Variants in XKR9 observed in about 807,000 individuals in gnomAD.
XKR9 encodes XK related 9.
XKR9 carries 32 observed loss-of-function variants against 32.0 expected under a neutral mutation model. The observed-to-expected ratio is 1.00, with a 90% CI of 0.76 to 1.34. The LOEUF (loss-of-function observed/expected upper bound fraction) is 1.34, where lower values mean the gene tolerates loss of function less well. XKR9 is among the 40% of genes most tolerant of loss of function. The pLI, the probability that XKR9 is intolerant of heterozygous loss-of-function variation, is 0.00. For missense variants in XKR9, 546 were observed against 429.7 expected, an observed-to-expected ratio of 1.27 and a Z score of -2.39; for synonymous variants, 168 against 143.4, an observed-to-expected ratio of 1.17 and a Z score of -1.22.
intron 3 of XKR9, among the ~76,000 whole-genome samples, chr8:70,698,194 C>G (rs57591849): frequency 0.018 from 2,791 of 151,858 alleles, 41 homozygotes; most frequent in African/African-American, 0.064. Context: ...TTCAGTTCTG[C>G]TCTGATTTTA....
At position 70,767,355 on chromosome 8, in the gene XKR9, C is replaced by T. The variant is rs140064684; in HGVS notation, n.353-21984C>T. Among the ~76,000 whole-genome samples the T allele has an allele frequency of 4.1e-3, 630 of 152,140 alleles. 33 individuals are homozygous for T. The East Asian group carries it at 0.098, about 24-fold the overall frequency. ...GGGTGTATCTGTCTAGGAATTTATCCATTTCTTCTAGATTTTGTAATTTAT... is the reference window on the plus strand; with the variant it reads ...GGGTGTATCTGTCTAGGAATTTATCTATTTCTTCTAGATTTTGTAATTTAT... On this transcript the variant is annotated intron_variant and non_coding_transcript_variant, in intron 2 of 3. Transcript: ENST00000520273.
the XKR9 span, among the ~76,000 whole-genome samples, chr8:70,952,547 C>A: frequency 6.6e-6 from 1 of 152,138 alleles, no homozygotes; most frequent in African/African-American, 2.4e-5. Flanking sequence ...TACTTTAGTG[C>A]ATCTCTGTGC....
At chr8:71,044,631 A>G in the XKR9 span, among the ~76,000 whole-genome samples, 4 of 152,260 alleles carry the variant, frequency 2.6e-5, no homozygotes, top group African/African-American at 9.6e-5. Context: ...AACAATTTGT[A>G]TTAAACTTTA....
At chr8:71,004,083 G>A in the XKR9 span, among the ~76,000 whole-genome samples, 1 of 152,168 alleles carries the variant, frequency 6.6e-6, no homozygotes, top group Admixed American at 6.5e-5. Flanking sequence ...GGTAAGGCAT[G>A]GGGATGGGAG....
At chr8:70,777,252 C>T (rs897371641) in intron 2 of XKR9, among the ~76,000 whole-genome samples, 1 of 151,874 alleles carries the variant, frequency 6.6e-6, no homozygotes, top group Non-Finnish European at 1.5e-5. Flanking sequence ...TGATGGTTTC[C>T]AGCTTCATCC....
At position 70,704,239 on chromosome 8, in the gene XKR9, C is replaced by T. The variant is rs1042654813; in HGVS notation, c.273-2694C>T. Among the ~76,000 whole-genome samples, 9 of 151,896 alleles carry T rather than the reference C, an allele frequency of 5.9e-5. No individual in the cohort carries two copies. In the East Asian group the frequency reaches 1.7e-3, roughly 29 times the overall value. On this transcript the variant is annotated intron_variant, in intron 3 of 4. Coordinates refer to ENST00000408926, the MANE Select transcript of XKR9 (RefSeq NM_001011720.2). ...AAAATAAATAAATAAATAAGTGAAA[C>T]TGTGTCCTATTGATTAAAAATTATA...
chr8:70,871,899 A>G, the XKR9 span, among the ~76,000 whole-genome samples: 1 of 152,200 alleles, frequency 6.6e-6, no homozygotes, highest in Non-Finnish European at 1.5e-5. Flanking sequence ...CTAGTTCCAT[A>G]TTCTAGTTCT....
At chr8:70,685,680 A>G (rs1447569352) in intron 3 of XKR9, among the ~76,000 whole-genome samples, 6 of 141,616 alleles carry the variant, frequency 4.2e-5, no homozygotes, top group Non-Finnish European at 9.1e-5. Context: ...TGGGAATTGA[A>G]CAATGAGAAC....
intron 2 of XKR9, among the ~76,000 whole-genome samples, chr8:70,760,755 G>T (rs559195786): frequency 4.7e-4 from 71 of 152,232 alleles, no homozygotes; most frequent in Middle Eastern, 3.4e-3. Context: ...GGATGTGCAG[G>T]TTTGTTACAT....
chr8:71,016,264 A>G, the XKR9 span, among the ~76,000 whole-genome samples: 1 of 152,314 alleles, frequency 6.6e-6, no homozygotes, highest in Middle Eastern at 3.4e-3. Flanking sequence ...TCAAATTACA[A>G]CTGAGCTGTT....
chr8:70,925,406 A>C, the XKR9 span, among the ~76,000 whole-genome samples: 1 of 152,206 alleles, frequency 6.6e-6, no homozygotes, highest in South Asian at 2.1e-4. Context: ...CAGTTTTTTC[A>C]TGTCTATACA....
intron 1 of XKR9, among the ~76,000 whole-genome samples, chr8:70,673,649 C>T (rs1255712450): frequency 3.9e-5 from 6 of 152,014 alleles, no homozygotes; most frequent in African/African-American, 1.4e-4. Context: ...CCTGTAATCC[C>T]AGCTACTTGG....
At chr8:70,708,371 C>G (rs778053017) in intron 4 of XKR9, among the ~76,000 whole-genome samples, 3 of 151,988 alleles carry the variant, frequency 2.0e-5, no homozygotes, top group Non-Finnish European at 4.4e-5. Flanking sequence ...CAATCTTCAT[C>G]TATATAGTTT....
At chr8:70,923,485 A>C in the XKR9 span, among the ~76,000 whole-genome samples, 2 of 152,226 alleles carry the variant, frequency 1.3e-5, no homozygotes, top group Non-Finnish European at 2.9e-5. Context: ...ATTCACTGTG[A>C]AGTTGATGAA....
At chr8:70,703,205 C>G (rs1317759437) in intron 3 of XKR9, among the ~76,000 whole-genome samples, 1 of 151,104 alleles carries the variant, frequency 6.6e-6, no homozygotes, top group Non-Finnish European at 1.5e-5. Context: ...TCTAGGATGT[C>G]AATTTTACCT....
chr8:71,058,253 A>T, the XKR9 span, among the ~76,000 whole-genome samples: 98 of 152,332 alleles, frequency 6.4e-4, no homozygotes, highest in African/African-American at 2.3e-3. Context: ...CAGTCTATAG[A>T]AGCTGATCAC....
intron 4 of XKR9, among the ~76,000 whole-genome samples, chr8:70,727,789 G>T (rs1368651239): frequency 6.6e-6 from 1 of 151,946 alleles, no homozygotes; most frequent in Non-Finnish European, 1.5e-5. Flanking sequence ...GAAATCATAG[G>T]GAGGAGAAAC....
chr8:70,786,695 G>C (rs879782266), intron 2 of XKR9, among the ~76,000 whole-genome samples: 2 of 151,932 alleles, frequency 1.3e-5, no homozygotes, highest in Non-Finnish European at 2.9e-5. Context: ...CATATAGTTG[G>C]GTCTTGTTTT....
chr8:70,950,028 C>T, the XKR9 span, among the ~76,000 whole-genome samples: 55 of 152,308 alleles, frequency 3.6e-4, no homozygotes, highest in African/African-American at 1.3e-3. Context: ...AGCAGCCTTT[C>T]GCATTCCAGC....
Sources: allele counts gnomAD v4.1 joint callset (sites outside exome capture counted in the v4.1 genomes callset), GRCh38; gene constraint gnomAD v4.1.1; transcripts MANE v1.5; gene names NCBI Gene and HGNC (gene_info 2026-07-23, HGNC 2026-07-21).